MARCHF4: variants seen among roughly 807,000 people sequenced by gnomAD.
The protein encoded by MARCHF4 is membrane associated ring-CH-type finger 4, also known as E3 ubiquitin-protein ligase MARCHF4.
In MARCHF4, 14 loss-of-function variants were observed where a neutral mutation model predicts 43.9. The observed-to-expected ratio is 0.32, with a 90% CI of 0.21 to 0.50. The LOEUF (loss-of-function observed/expected upper bound fraction) is 0.50. Ranked by LOEUF, MARCHF4 falls within the 20% of genes least tolerant of loss-of-function variation. MARCHF4 has a pLI of 0.98. For synonymous variants in MARCHF4, 226 were observed against 213.3 expected (o/e 1.06, Z -0.52); for missense variants, 468 against 536.7 (o/e 0.87, Z 1.27).
chr2:216,298,734 A>G (rs1691436152), intron 1 of MARCHF4, among the ~76,000 whole-genome samples: 1 of 152,188 alleles, frequency 6.6e-6, no homozygotes, highest in East Asian at 1.9e-4. Context: ...CTTCCCACAC[A>G]TAAAATTCCC....
In MARCHF4 at chr2:216,259,351, G is replaced by A; in HGVS notation, c.1194C>T (p.Gly398=). 6.3e-7 allele frequency: 1 copy of A among 1,583,170 alleles called. No individual in the cohort carries two copies. Among genetic ancestry groups the A allele is most frequent in the Non-Finnish European group, 8.6e-7 (1 of 1,161,792 alleles). The change falls in exon 4 of 4, where the codon GGC becomes GGT. Residue 398 remains glycine, a synonymous_variant. Transcript: ENST00000273067. ...LRPHEQRSPP[G]SSRELVMRVT... ...CTCTCATGACCAGCTCTCGGCTGCTGCCTGGGGGACTTCGCTGTTCATGAG... is the reference window on the plus strand; with the variant it reads ...CTCTCATGACCAGCTCTCGGCTGCTACCTGGGGGACTTCGCTGTTCATGAG...
chr2:216,272,737 C>T (rs772082473), intron 3 of MARCHF4, among the ~76,000 whole-genome samples: 2 of 152,330 alleles, frequency 1.3e-5, no homozygotes, highest in South Asian at 2.1e-4. Context: ...TCCAAAGCAA[C>T]GTACGTTTGG....
chr2:216,349,606 C>T (rs1692367405), intron 1 of MARCHF4, among the ~76,000 whole-genome samples: 1 of 152,020 alleles, frequency 6.6e-6, no homozygotes, highest in Non-Finnish European at 1.5e-5. Context: ...ATGTGACAGG[C>T]TAGGGCTTGG....
chr2:216,263,541 G>GAAGAAAA (rs1690787006), intron 3 of MARCHF4, among the ~76,000 whole-genome samples: 2 of 151,284 alleles, frequency 1.3e-5, no homozygotes, highest in Non-Finnish European at 2.9e-5. Context: ...GAGAGAGAAA[G>GAAGAAAA]AGAGAGAGAG....
At chr2:216,296,379 G>C (rs546449568) in intron 1 of MARCHF4, among the ~76,000 whole-genome samples, 135 of 152,082 alleles carry the variant, frequency 8.9e-4, no homozygotes, top group African/African-American at 2.6e-3. Context: ...AGATACCCCA[G>C]CCCTTTCTGC....
At position 216,340,874 on chromosome 2, in the gene MARCHF4, A is replaced by G. The variant is rs537855324; in HGVS notation, c.516+28871T>C. Among the ~76,000 whole-genome samples, 221 of 152,282 alleles carry G rather than the reference A, an allele frequency of 1.5e-3. 1 individual carries two copies. The highest frequency in any genetic ancestry group is 0.013 in the South Asian group (61 of 4,820). On this transcript the variant is annotated intron_variant, in intron 1 of 3. Transcript: ENST00000273067. ...CTACCCCAGTCTACTCAGTGATATG[A>G]AAACTGAGGCCCAGAGAAGTGAGGC...
chr2:216,322,625 C>A (rs1211169826), intron 1 of MARCHF4, among the ~76,000 whole-genome samples: 4 of 152,174 alleles, frequency 2.6e-5, no homozygotes, highest in African/African-American at 9.7e-5. Context: ...AGTTCGAAAC[C>A]AGCCTGGCCA....
intron 1 of MARCHF4, among the ~76,000 whole-genome samples, chr2:216,334,295 C>G (rs1032620138): frequency 6.6e-6 from 1 of 152,172 alleles, no homozygotes; most frequent in East Asian, 1.9e-4. Context: ...CGCTAGCCAG[C>G]AAGAAAACAG....
chr2:216,340,762 T>A (rs1187661839), intron 1 of MARCHF4, among the ~76,000 whole-genome samples: 2 of 151,990 alleles, frequency 1.3e-5, no homozygotes, highest in East Asian at 3.9e-4. Context: ...GAAAATACAG[T>A]GTTGGGGTAG....
intron 2 of MARCHF4, among the ~76,000 whole-genome samples, chr2:216,282,341 C>T (rs1691142685): frequency 6.6e-6 from 1 of 152,040 alleles, no homozygotes; most frequent in Non-Finnish European, 1.5e-5. Flanking sequence ...ATGTAAAACT[C>T]TATGGGGTGT....
In MARCHF4 at chr2:216,283,433, C is replaced by A. The variant is rs1691164535; in HGVS notation, c.672+141G>T. ...TTTCATCCCCTCCTGCCCCACGCCG[C>A]CCACCGTGCTTGCCCACCCAGCCCA... On this transcript the variant is annotated intron_variant, in intron 2 of 3. Transcript: ENST00000273067. The A allele has an allele frequency of 4.2e-6, 4 of 946,494 alleles. 1 individual carries two copies. In the South Asian group the frequency reaches 8.4e-5, roughly 20 times the overall value. The allele number at this position is 946,494 out of a possible 1,614,324, so 58.6% of individuals were successfully genotyped here.
intron 1 of MARCHF4, among the ~76,000 whole-genome samples, chr2:216,291,860 G>T (rs1462866180): frequency 4.6e-5 from 7 of 152,186 alleles, no homozygotes; most frequent in Non-Finnish European, 1.0e-4. Flanking sequence ...TAGAGAGGTT[G>T]TTACTTGCTC....
intron 2 of MARCHF4, among the ~76,000 whole-genome samples, chr2:216,281,781 C>G (rs1691132376): frequency 6.6e-6 from 1 of 152,170 alleles, no homozygotes; most frequent in African/African-American, 2.4e-5. Flanking sequence ...CAGTGAGTGT[C>G]AAGAAACTCA....
At chr2:216,335,866 A>G (rs1208628993) in intron 1 of MARCHF4, among the ~76,000 whole-genome samples, 7 of 151,982 alleles carry the variant, frequency 4.6e-5, no homozygotes, top group Non-Finnish European at 8.8e-5. Context: ...TCAGGAGTTC[A>G]AGACCAGCCT....
chr2:216,298,647 A>C (rs1691434997), intron 1 of MARCHF4, among the ~76,000 whole-genome samples: 1 of 152,212 alleles, frequency 6.6e-6, no homozygotes. Flanking sequence ...GGAAGGAAAA[A>C]TTATTCCCAT....
chr2:216,286,944 T>C (rs1275651662), intron 1 of MARCHF4, among the ~76,000 whole-genome samples: 2 of 152,190 alleles, frequency 1.3e-5, no homozygotes, highest in African/African-American at 4.8e-5. Context: ...CCTAGTAAAA[T>C]TCTCTCAATA....
At chr2:216,345,797 C>A (rs1408569834) in intron 1 of MARCHF4, among the ~76,000 whole-genome samples, 1 of 152,166 alleles carries the variant, frequency 6.6e-6, no homozygotes, top group East Asian at 1.9e-4. Flanking sequence ...TCAGAATCTG[C>A]AATTCAACAA....
At chr2:216,322,095 ATG>A (rs763635655) in intron 1 of MARCHF4, among the ~76,000 whole-genome samples, 2 of 151,330 alleles carry the variant, frequency 1.3e-5, no homozygotes, top group Non-Finnish European at 3.0e-5. Context: ...ACTTAAGGGG[ATG>A]TGTGTGTGTG....
rs553762275 is a variant in MARCHF4 at position 216,320,056 on chromosome 2, A to G, written c.517-36327T>C. ...TGGTTGAGTGTTTCTTCCTCTCCCC[A>G]GTGTGATGGGTGGTGTTAAAGGGAA... On this transcript the variant is annotated intron_variant, in intron 1 of 3. Coordinates refer to ENST00000273067, the MANE Select transcript of MARCHF4 (RefSeq NM_020814.3). Among the ~76,000 whole-genome samples the G allele has an allele frequency of 1.1e-4, 17 of 152,268 alleles. No homozygotes were observed. The South Asian group carries it at 3.5e-3, about 32-fold the overall frequency.
Sources: allele counts gnomAD v4.1 joint callset (sites outside exome capture counted in the v4.1 genomes callset), GRCh38; gene constraint gnomAD v4.1.1; transcripts MANE v1.5; gene names NCBI Gene and HGNC (gene_info 2026-07-23, HGNC 2026-07-21).